The following ELP6 variants were observed in gnomAD, a reference collection of about 807,000 sequenced individuals.
ELP6 encodes the protein elongator complex protein 6.
ELP6 carries 23 observed loss-of-function variants against 28.1 expected under a neutral mutation model. The ratio of observed to expected loss-of-function variants is 0.82; its 90% CI spans 0.59 to 1.16. ELP6 has a LOEUF of 1.16. ELP6 is among the 50% of genes most tolerant of loss of function. The pLI, the probability that ELP6 is intolerant of heterozygous loss-of-function variation, is 0.00. For missense variants in ELP6, 313 were observed against 334.6 expected (o/e 0.94, Z 0.50); for synonymous variants, 132 against 135.8 (o/e 0.97, Z 0.19).
intron 6 of ELP6, chr3:47,497,112 C>T: frequency 1.0e-6 from 1 of 981,630 alleles, no homozygotes; most frequent in Non-Finnish European, 1.2e-6. Flanking sequence ...CAGGAGTGCT[C>T]AACTTGAAGT....
At chr3:47,510,399 G>T in intron 2 of ELP6, 145 bp from the exon 3 acceptor site, 1 of 624,178 alleles carries the variant, frequency 1.6e-6, no homozygotes. Context: ...ATTCTAAGAT[G>T]TACTTTTTTT....
At chr3:47,498,013 G>C (rs1478663668) in intron 6 of ELP6, 1 of 985,150 alleles carries the variant, frequency 1.0e-6, no homozygotes, top group Non-Finnish European at 1.2e-6. Context: ...TTGATGGCAT[G>C]CCCCTGCATT....
chr3:47,500,057 C>T (rs1348037788), intron 5 of ELP6: 2 of 1,272,740 alleles, frequency 1.6e-6, no homozygotes, highest in Non-Finnish European at 2.0e-6. Flanking sequence ...GAGCAGAAAA[C>T]CCTCATCCCA....
rs6810322 is a variant in ELP6, at chr3:47,503,511, A to C, written c.323+819T>G. 16,314 of 1,091,770 alleles carry C rather than the reference A, an allele frequency of 0.015. 1,871 individuals carry two copies. In the African/African-American group the frequency reaches 0.24, roughly 16 times the overall value. The allele number at this position is 1,091,770 out of a possible 1,614,324, so 67.6% of individuals were successfully genotyped here. A position where few individuals can be genotyped will look rare whatever the true frequency, so the allele number is the denominator to read the frequency against. ...GTCTCTGTCCCAACTACTCAACTCT[A>C]TTTGTTGCTGTAGTGCAAAAACAGC... On this transcript the variant is annotated intron_variant, in intron 4 of 6. Coordinates refer to ENST00000296149, the MANE Select transcript of ELP6 (RefSeq NM_001031703.3).
chr3:47,507,872 G>A (rs1345254941), intron 3 of ELP6, among the ~76,000 whole-genome samples: 3 of 151,664 alleles, frequency 2.0e-5, no homozygotes, highest in South Asian at 2.1e-4. Context: ...AGAAGCTCAC[G>A]CTCCAGTACT....
At chr3:47,511,710 A>G in intron 1 of ELP6, 1 of 731,308 alleles carries the variant, frequency 1.4e-6, no homozygotes, top group Non-Finnish European at 1.7e-6. Flanking sequence ...AGTTGCTGAT[A>G]CAGATGTCTG....
chr3:47,501,873 TA>T (rs761337546), intron 4 of ELP6, 22 bp from the exon 5 acceptor site: 1 of 1,602,610 alleles, frequency 6.2e-7, no homozygotes. Context: ...GGACAAAAGT[TA>T]CCAGACTTCA....
At chr3:47,496,909 G>A (rs185995643) in intron 6 of ELP6, 19 of 985,380 alleles carry the variant, frequency 1.9e-5, no homozygotes, top group Non-Finnish European at 2.0e-5. Flanking sequence ...TACCTGTTTT[G>A]ATGGTGTTAC....
rs942187245 is a variant in ELP6 at position 47,498,219 on chromosome 3, C to A, written c.672+67G>T. The A allele has an allele frequency of 2.5e-6, 4 of 1,585,948 alleles. No individual in the cohort carries two copies. In the Admixed American group the frequency reaches 7.0e-5, roughly 28 times the overall value. ...CAGACAGTCCCTCAGGCCTGACTCT[C>A]CCCTATGTAGTCAAGAATCACAGGT... On this transcript the variant is annotated intron_variant, in intron 6 of 6. Coordinates refer to ENST00000296149, the MANE Select transcript of ELP6 (RefSeq NM_001031703.3).
At chr3:47,499,984 G>A (rs1354134487) in intron 5 of ELP6, 9 of 1,340,810 alleles carry the variant, frequency 6.7e-6, no homozygotes, top group Non-Finnish European at 7.9e-6. Context: ...GGAAGCTGCT[G>A]CTTCAGACAC....
intron 4 of ELP6, 135 bp downstream of exon 4, chr3:47,504,195 A>T: frequency 9.2e-7 from 1 of 1,091,982 alleles, no homozygotes; most frequent in Non-Finnish European, 1.3e-6. Flanking sequence ...ATGCTGCAAC[A>T]CCAGATGAAG....
Position 47,498,287 on chromosome 3 carries a change from T to C in ELP6, c.671A>G (p.Gln224Arg), listed in dbSNP as rs1454126592. Residue 224 changes from glutamine to arginine, a missense_variant and splice_region_variant, in exon 6 of 7, where the codon CAG (glutamine) becomes CGG (arginine). Coordinates refer to ENST00000296149, the MANE Select transcript of ELP6 (RefSeq NM_001031703.3). ...ATGFCRDVHGQLRILWRRPSQ... is the reference protein window; with the variant it reads ...ATGFCRDVHGRLRILWRRPSQ... ...GTTGCCCAGGAGGCCCCTGCATACC[T>C]GCCCGTGCACATCCCTGCAGAAGCC... The C allele has an allele frequency of 8.1e-6, 13 of 1,613,172 alleles. No individual in the cohort carries two copies. The highest frequency in any genetic ancestry group is 1.1e-5 in the Non-Finnish European group (13 of 1,180,014).
chr3:47,510,811 A>G (rs1206394978), intron 2 of ELP6, among the ~76,000 whole-genome samples: 1 of 152,178 alleles, frequency 6.6e-6, no homozygotes, highest in African/African-American at 2.4e-5. Flanking sequence ...CAAAGTGTCA[A>G]TGGGGTCGAG....
chr3:47,497,825 G>C (rs1402002421), intron 6 of ELP6: 2 of 346,224 alleles, frequency 5.8e-6, no homozygotes, highest in African/African-American at 4.5e-5. Flanking sequence ...CCAAGTACTA[G>C]GAAGGCTGAG....
chr3:47,496,074 G>GA lies in ELP6; in HGVS notation c.795dup (p.Leu266SerfsTer4), dbSNP rs774552222. The stretch of plus-strand genomic sequence containing the variant: ...TCAGCTGCTCCGAAATCAGGTCACA[G>GA]AACAGCAGGAGACATTCCTTTGGCA... On this transcript the variant is annotated frameshift_variant, in exon 7 of 7. Coordinates refer to ENST00000296149, the MANE Select transcript of ELP6 (RefSeq NM_001031703.3). LOFTEE classifies it high-confidence loss of function. 2 of 1,614,144 alleles carry GA rather than the reference G, an allele frequency of 1.2e-6. No homozygotes were observed. The highest frequency in any genetic ancestry group is 2.7e-5 in the African/African-American group (2 of 75,042).
At chr3:47,512,595 G>C in intron 1 of ELP6, 1 of 984,816 alleles carries the variant, frequency 1.0e-6, no homozygotes, top group Non-Finnish European at 1.2e-6. Flanking sequence ...ACTCCTGAAA[G>C]AGGTTACTCC....
At chr3:47,504,058 C>A (rs569434233) in intron 4 of ELP6, 125 of 377,894 alleles carry the variant, frequency 3.3e-4, no homozygotes, top group Non-Finnish European at 4.7e-4. Context: ...TATACTAGGG[C>A]TCTAAGCCAG....
intron 4 of ELP6, 49 bp from the exon 5 acceptor site, chr3:47,501,900 T>C (rs1412024825): frequency 1.0e-5 from 16 of 1,547,456 alleles, no homozygotes; most frequent in Non-Finnish European, 1.3e-5. Context: ...TCTACAGATG[T>C]TTATCAAGGA....
intron 3 of ELP6, among the ~76,000 whole-genome samples, chr3:47,507,630 CAAAA>C (rs915946145): frequency 4.5e-5 from 4 of 88,342 alleles, no homozygotes; most frequent in Admixed American, 1.2e-4. Flanking sequence ...ACCCATTCTC[CAAAA>C]AAAAAAAAAA....
Sources: gnomAD v4.1 joint callset for allele counts (sites outside exome capture counted in the v4.1 genomes callset) on GRCh38, gnomAD v4.1.1 for gene constraint, MANE v1.5 for transcripts, NCBI Gene and HGNC (gene_info 2026-07-23, HGNC 2026-07-21) for gene names.